The following CEP112 variants were observed in gnomAD, a reference collection of about 807,000 sequenced individuals.
The protein encoded by CEP112 is centrosomal protein 112.
A neutral mutation model predicts 153.0 loss-of-function variants in CEP112; 127 were observed. The ratio of observed to expected loss-of-function variants is 0.83; its 90% confidence interval spans 0.72 to 0.96. CEP112 has a LOEUF of 0.96. Ranked by LOEUF, CEP112 falls within the 40% of genes least tolerant of loss-of-function variation. CEP112 has a pLI of 0.00. For synonymous variants in CEP112, 358 were observed against 374.4 expected (o/e 0.96, Z 0.51); for missense variants, 1,089 against 1,101.2 (o/e 0.99, Z 0.16).
intron 23 of CEP112, among the ~76,000 whole-genome samples, chr17:65,740,779 G>A (rs906462741): frequency 1.3e-5 from 2 of 152,186 alleles, no homozygotes; most frequent in African/African-American, 4.8e-5. Flanking sequence ...CATAGTGGCT[G>A]TGCCTCTCTC....
intron 19 of CEP112, among the ~76,000 whole-genome samples, chr17:65,908,499 C>G (rs938655915): frequency 1.3e-5 from 2 of 152,102 alleles, no homozygotes; most frequent in Non-Finnish European, 2.9e-5. Flanking sequence ...AGTTCAAGAC[C>G]AGCCTGACCA....
intron 6 of CEP112, among the ~76,000 whole-genome samples, chr17:66,124,348 A>G (rs892907473): frequency 6.6e-6 from 1 of 152,172 alleles, no homozygotes; most frequent in African/African-American, 2.4e-5. Context: ...ACTATTGTAC[A>G]GTTCCAGGTG....
At chr17:65,914,909 A>G (rs375559191) in intron 19 of CEP112, among the ~76,000 whole-genome samples, 33 of 152,232 alleles carry the variant, frequency 2.2e-4, no homozygotes, top group African/African-American at 7.5e-4. Context: ...CCCACATTCT[A>G]CTGAAACCAG....
At chr17:65,734,613 T>A (rs1430441359) in intron 23 of CEP112, among the ~76,000 whole-genome samples, 1 of 152,204 alleles carries the variant, frequency 6.6e-6, no homozygotes, top group Admixed American at 6.5e-5. Context: ...CTATGTTTCA[T>A]TTTTTGCAAA....
At chr17:65,895,790 ATTACT>A (rs1325303412) in intron 20 of CEP112, among the ~76,000 whole-genome samples, 1 of 152,184 alleles carries the variant, frequency 6.6e-6, no homozygotes, top group East Asian at 1.9e-4. Context: ...ATCTCTTTAG[ATTACT>A]TTATCTGACT....
intron 21 of CEP112, among the ~76,000 whole-genome samples, chr17:65,791,427 T>C (rs1176519423): frequency 6.6e-6 from 1 of 152,190 alleles, no homozygotes; most frequent in Non-Finnish European, 1.5e-5. Context: ...TAATCAGCTT[T>C]AGGTGAAGAA....
At chr17:65,852,885 A>G (rs2058014220) in intron 20 of CEP112, among the ~76,000 whole-genome samples, 1 of 152,100 alleles carries the variant, frequency 6.6e-6, no homozygotes, top group African/African-American at 2.4e-5. Flanking sequence ...TCTGATTTAT[A>G]AATGTAAGAC....
At chr17:65,664,843 C>A (rs1164569461) in intron 24 of CEP112, among the ~76,000 whole-genome samples, 1 of 152,176 alleles carries the variant, frequency 6.6e-6, no homozygotes, top group Non-Finnish European at 1.5e-5. Flanking sequence ...GTGGCTTAAA[C>A]AACAAACATT....
chr17:66,099,848 A>T (rs1162990213), intron 6 of CEP112, among the ~76,000 whole-genome samples: 1 of 152,144 alleles, frequency 6.6e-6, no homozygotes, highest in Non-Finnish European at 1.5e-5. Context: ...TTTGATTCCC[A>T]TATCTCCCCA....
chr17:65,923,357 C>T (rs1310319926), intron 19 of CEP112, among the ~76,000 whole-genome samples: 1 of 151,774 alleles, frequency 6.6e-6, no homozygotes, highest in East Asian at 1.9e-4. Context: ...TTCATTAATC[C>T]AAATTTATTA....
At chr17:65,914,997 C>A (rs35091478) in intron 19 of CEP112, among the ~76,000 whole-genome samples, 21,238 of 152,204 alleles carry the variant, frequency 0.14, 1,964 homozygotes, top group Admixed American at 0.26. Flanking sequence ...CTTGGCAACA[C>A]CTGAAACAAG....
At chr17:65,916,960 C>T (rs1023234651) in intron 19 of CEP112, among the ~76,000 whole-genome samples, 1 of 152,178 alleles carries the variant, frequency 6.6e-6, no homozygotes, top group Non-Finnish European at 1.5e-5. Flanking sequence ...TCTTCAATTG[C>T]CTTTCACTAA....
Position 66,183,326 on chromosome 17 carries a change from C to G in CEP112, c.-8-19G>C, listed in dbSNP as rs376187857. The G allele has an allele frequency of 4.8e-5, 72 of 1,514,228 alleles. No homozygotes were observed. The highest frequency in any genetic ancestry group is 6.4e-5 in the Non-Finnish European group (70 of 1,101,026). 93.8% of individuals were successfully genotyped at this position (1,514,228 alleles called of 1,614,324 possible). On this transcript the variant is annotated intron_variant, in intron 1 of 26. Transcript: ENST00000535342. Reference sequence around the variant, plus strand: ...ATCCAATCTGTAAAAGATTTTAAATCAAAATATTAAGGATTTGTATGCTGA... The same window carrying G: ...ATCCAATCTGTAAAAGATTTTAAATGAAAATATTAAGGATTTGTATGCTGA...
chr17:65,678,370 G>T (rs2047339835), intron 24 of CEP112, among the ~76,000 whole-genome samples: 1 of 152,100 alleles, frequency 6.6e-6, no homozygotes, highest in Non-Finnish European at 1.5e-5. Context: ...TAAAAGGTGG[G>T]ATAGAACACA....
At chr17:66,009,232 T>TGTGTGTGTGTGTGTGTG (rs1568372555) in intron 16 of CEP112, among the ~76,000 whole-genome samples, 2 of 137,278 alleles carry the variant, frequency 1.5e-5, no homozygotes, top group African/African-American at 5.4e-5. Flanking sequence ...TGTGTGTGTG[T>TGTGTGTGTGTGTGTGTG]TAGCAAAAGC....
At chr17:66,187,268 T>G (rs1264334892) in intron 1 of CEP112, among the ~76,000 whole-genome samples, 2 of 152,126 alleles carry the variant, frequency 1.3e-5, no homozygotes, top group Non-Finnish European at 2.9e-5. Flanking sequence ...AGTCTATCAC[T>G]TCCTGTTTAA....
chr17:66,083,697 A>C (rs10163474), intron 8 of CEP112, among the ~76,000 whole-genome samples: 51,097 of 151,918 alleles, frequency 0.34, 10,085 homozygotes, highest in Non-Finnish European at 0.45. Context: ...GTAAATACAA[A>C]AAAATTAGCC....
At position 65,930,855 on chromosome 17, in the gene CEP112, ATT is replaced by A. The variant is rs5821568; in HGVS notation, c.1873-3168_1873-3167del. Among the ~76,000 whole-genome samples the A allele has an allele frequency of 8.8e-4, 130 of 147,970 alleles. No homozygotes were observed. In the East Asian group the frequency reaches 0.02, roughly 23 times the overall value. The stretch of plus-strand genomic sequence containing the variant: ...CATCATACTATCAGTAGGTCTTTTC[ATT>A]TTTTTTTTTCATCCAGTCAGTCTTT... On this transcript the variant is annotated intron_variant, in intron 18 of 26. Coordinates refer to ENST00000535342, the MANE Select transcript of CEP112 (RefSeq NM_001199165.4).
At chr17:65,666,030 T>A (rs1311168814) in intron 24 of CEP112, among the ~76,000 whole-genome samples, 2 of 152,212 alleles carry the variant, frequency 1.3e-5, no homozygotes, top group East Asian at 3.9e-4. Flanking sequence ...TCAACTCTGA[T>A]CACTCAAAAC....
Sources: gnomAD v4.1 joint callset for allele counts (sites outside exome capture counted in the v4.1 genomes callset) on GRCh38, gnomAD v4.1.1 for gene constraint, MANE v1.5 for transcripts, NCBI Gene and HGNC (gene_info 2026-07-23, HGNC 2026-07-21) for gene names.